DOCK3: variants seen among roughly 807,000 people sequenced by gnomAD.
The protein encoded by DOCK3 is dedicator of cytokinesis 3, also known as dedicator of cytokinesis protein 3.
DOCK3 carries 60 observed loss-of-function variants against 265.6 expected under a neutral mutation model. The ratio of observed to expected loss-of-function variants is 0.23; its 90% confidence interval spans 0.18 to 0.28. DOCK3 has a LOEUF of 0.28. DOCK3 is among the 10% of genes least tolerant of loss of function. The pLI, the probability that DOCK3 is intolerant of heterozygous loss-of-function variation, is 1.00. For missense variants in DOCK3, 1,981 were observed against 2,594.3 expected, an observed-to-expected ratio of 0.76 and a Z score of 5.14; for synonymous variants, 881 against 938.0, an observed-to-expected ratio of 0.94 and a Z score of 1.11.
chr3:50,804,727 TGGAGAGAGAG>T (rs1394173018), intron 2 of DOCK3, among the ~76,000 whole-genome samples: 1 of 118,398 alleles, frequency 8.4e-6, no homozygotes, highest in African/African-American at 3.4e-5. Flanking sequence ...AGGGAGACCG[TGGAGAGAGAG>T]GGAGAGAGAG....
intron 3 of DOCK3, among the ~76,000 whole-genome samples, chr3:50,874,066 G>GTTTTTTT (rs3043436): frequency 9.4e-6 from 1 of 106,230 alleles, no homozygotes; most frequent in African/African-American, 3.2e-5. Flanking sequence ...CTTTTCTTTT[G>GTTTTTTT]TTTTTTTTTT....
intron 5 of DOCK3, among the ~76,000 whole-genome samples, chr3:51,058,962 G>A (rs763544771): frequency 4.7e-4 from 71 of 152,078 alleles, no homozygotes; most frequent in Non-Finnish European, 1.0e-4. Flanking sequence ...GGGGGTACAT[G>A]TGTAGGTTTG....
chr3:51,057,378 G>T (rs1272353860), intron 5 of DOCK3, among the ~76,000 whole-genome samples: 1 of 152,212 alleles, frequency 6.6e-6, no homozygotes, highest in African/African-American at 2.4e-5. Flanking sequence ...GAGGCTGGAT[G>T]TGTTGCTAAG....
At chr3:50,813,948 A>T (rs1244744674) in intron 2 of DOCK3, among the ~76,000 whole-genome samples, 1 of 152,194 alleles carries the variant, frequency 6.6e-6, no homozygotes, top group African/African-American at 2.4e-5. Context: ...TAAACAGTGC[A>T]TAAGAATAGT....
chr3:51,246,834 A>C, intron 22 of DOCK3, 27 bp downstream of exon 22: 2 of 1,602,406 alleles, frequency 1.2e-6, no homozygotes, highest in Non-Finnish European at 1.7e-6. Context: ...TCCATACATA[A>C]GAGACCCACT....
intron 9 of DOCK3, among the ~76,000 whole-genome samples, chr3:51,096,744 C>G (rs945351189): frequency 2.6e-5 from 4 of 152,148 alleles, no homozygotes; most frequent in Admixed American, 2.6e-4. Flanking sequence ...AATTTTCAGC[C>G]TTTTTGCACT....
chr3:50,789,554 G>A (rs916735062), intron 2 of DOCK3, among the ~76,000 whole-genome samples: 1 of 152,122 alleles, frequency 6.6e-6, no homozygotes, highest in African/African-American at 2.4e-5. Context: ...TTGATAACCT[G>A]TCCAGTGCTG....
At chr3:51,191,440 C>T (rs1230059615) in intron 12 of DOCK3, among the ~76,000 whole-genome samples, 1 of 152,098 alleles carries the variant, frequency 6.6e-6, no homozygotes, top group African/African-American at 2.4e-5. Context: ...AGGCTCTTTC[C>T]CTGCTGCTCC....
chr3:51,275,041 C>T (rs1489902953), intron 24 of DOCK3, 38 bp from the exon 25 acceptor site: 3 of 1,613,740 alleles, frequency 1.9e-6, no homozygotes, highest in Non-Finnish European at 2.5e-6. Context: ...GCTAGTTCTC[C>T]TCTAAAGTTT....
chr3:50,854,106 T>C (rs2046466019), intron 3 of DOCK3, among the ~76,000 whole-genome samples: 1 of 152,150 alleles, frequency 6.6e-6, no homozygotes, highest in African/African-American at 2.4e-5. Flanking sequence ...TGCTTCTGTG[T>C]CTTCTTTTGA....
At chr3:51,211,087 A>G (rs1190111255) in intron 13 of DOCK3, among the ~76,000 whole-genome samples, 1 of 152,204 alleles carries the variant, frequency 6.6e-6, no homozygotes, top group Non-Finnish European at 1.5e-5. Context: ...TGTTAACTAC[A>G]ATTTATTTCC....
At chr3:50,679,015 A>G (rs1196225442) in intron 1 of DOCK3, among the ~76,000 whole-genome samples, 4 of 152,160 alleles carry the variant, frequency 2.6e-5, no homozygotes, top group Non-Finnish European at 5.9e-5. Context: ...AGGTTTCACC[A>G]TGTTAGCCAG....
chr3:50,955,226 A>C (rs1484429909), intron 5 of DOCK3, among the ~76,000 whole-genome samples: 1 of 152,220 alleles, frequency 6.6e-6, no homozygotes, highest in Non-Finnish European at 1.5e-5. Flanking sequence ...ACACTTACAC[A>C]CTGTTGGTGG....
intron 1 of DOCK3, among the ~76,000 whole-genome samples, chr3:50,697,188 C>T (rs2035685585): frequency 6.6e-6 from 1 of 152,050 alleles, no homozygotes; most frequent in Non-Finnish European, 1.5e-5. Context: ...GCCTCAGCCT[C>T]CCAAAGTGCT....
intron 1 of DOCK3, among the ~76,000 whole-genome samples, chr3:50,737,623 T>C (rs1269443777): frequency 1.3e-5 from 2 of 152,200 alleles, no homozygotes; most frequent in East Asian, 3.8e-4. Context: ...CTTTTCTTTC[T>C]CCTTTTTGTC....
At chr3:51,056,707 A>G (rs1327845805) in intron 5 of DOCK3, among the ~76,000 whole-genome samples, 2 of 152,216 alleles carry the variant, frequency 1.3e-5, no homozygotes, top group Admixed American at 6.5e-5. Context: ...GTAGTAATGA[A>G]AAAAGAATGC....
intron 26 of DOCK3, 135 bp downstream of exon 26, chr3:51,277,889 T>C: frequency 1.3e-6 from 2 of 1,507,676 alleles, no homozygotes; most frequent in Middle Eastern, 2.4e-4. Flanking sequence ...CATGCTGCCC[T>C]CTTCCCTTCT....
chr3:51,117,996 C>T (rs184474106), intron 9 of DOCK3, among the ~76,000 whole-genome samples: 1 of 152,208 alleles, frequency 6.6e-6, no homozygotes, highest in Admixed American at 6.5e-5. Context: ...TTGTTTTCTG[C>T]TAGCTTTTGA....
At chr3:51,289,998 C>G (rs2081641554) in intron 27 of DOCK3, among the ~76,000 whole-genome samples, 1 of 152,110 alleles carries the variant, frequency 6.6e-6, no homozygotes, top group Non-Finnish European at 1.5e-5. Context: ...TCATCTCACA[C>G]CAGTTAGAAT....
Sources: allele counts gnomAD v4.1 joint callset (sites outside exome capture counted in the v4.1 genomes callset), GRCh38; gene constraint gnomAD v4.1.1; transcripts MANE v1.5; gene names NCBI Gene and HGNC (gene_info 2026-07-23, HGNC 2026-07-21).